Variants in SLC41A1 observed in about 807,000 individuals in gnomAD.
SLC41A1 encodes solute carrier family 41 (magnesium transporter), member 1.
In SLC41A1, 20 loss-of-function variants were observed where a neutral mutation model predicts 47.3. That is an observed-to-expected ratio of 0.42 (90% CI 0.30 to 0.61). SLC41A1 has a LOEUF of 0.61. Ranked by LOEUF, SLC41A1 falls within the 20% of genes least tolerant of loss-of-function variation. The probability of loss-of-function intolerance (pLI) is 0.17; values close to 1 mark genes in which losing one functional copy is unlikely to be tolerated. For synonymous variants in SLC41A1, 282 were observed against 272.7 expected (o/e 1.03, Z -0.34); for missense variants, 504 against 674.1 (o/e 0.75, Z 2.79).
Position 205,812,817 on chromosome 1 carries a change from G to T in SLC41A1, c.-656C>A, listed in dbSNP as rs1656190143. On this transcript the variant is annotated 5_prime_UTR_variant, in exon 1 of 11. Coordinates refer to ENST00000367137, the MANE Select transcript of SLC41A1 (RefSeq NM_173854.6). ...ACCCCACAGGACTGACCTGCCCCTC[G>T]CCTGGGAGGAAGGGGGGCGCCTGGC... 1.0e-6 allele frequency: 1 copy of T among 980,230 alleles called. No individual in the cohort carries two copies. The highest frequency in any genetic ancestry group is 1.8e-5 in the African/African-American group (1 of 55,786). 60.7% of individuals were successfully genotyped at this position (980,230 alleles called of 1,614,324 possible). A position where few individuals can be genotyped will look rare whatever the true frequency, so the allele number is the denominator to read the frequency against.
chr1:205,795,444 G>A lies in SLC41A1; in HGVS notation c.1107C>T (p.Ser369=), dbSNP rs768280672. The A allele has an allele frequency of 1.2e-5, 20 of 1,614,084 alleles. No individual in the cohort carries two copies. The highest frequency in any genetic ancestry group is 2.7e-5 in the African/African-American group (2 of 74,922). The change falls in exon 9 of 11, where the codon AGC becomes AGT. Residue 369 remains serine, a synonymous_variant. Transcript: ENST00000367137. ...VGGNLVAVQA[S]RISTFLHMNG... ...TCATGTGCAGGAAGGTGGAGATGCG[G>A]CTGGCCTGCACTGCCACCAGATTGC...
chr1:205,796,774 C>T (rs1185575218), intron 8 of SLC41A1, 150 bp downstream of exon 8: 3 of 766,196 alleles, frequency 3.9e-6, no homozygotes, highest in Admixed American at 4.1e-5. Flanking sequence ...CCTCTGTAAG[C>T]AGTCCCTTCA....
chr1:205,806,565 G>T (rs1274816289), intron 2 of SLC41A1, among the ~76,000 whole-genome samples: 3 of 152,216 alleles, frequency 2.0e-5, no homozygotes, highest in Admixed American at 1.3e-4. Flanking sequence ...GGACCAAACT[G>T]GGCAGATGGG....
At chr1:205,793,685 T>C (rs759390244) in intron 10 of SLC41A1, among the ~76,000 whole-genome samples, 4 of 152,260 alleles carry the variant, frequency 2.6e-5, no homozygotes, top group Non-Finnish European at 4.4e-5. Context: ...GGTGTTGTTC[T>C]CTTTATGTAT....
In SLC41A1 at chr1:205,798,695, A is replaced by G; in HGVS notation, c.818T>C (p.Ile273Thr). 6.2e-7 allele frequency: 1 copy of G among 1,614,178 alleles called. No individual in the cohort carries two copies. The highest frequency in any genetic ancestry group is 1.3e-5 in the African/African-American group (1 of 75,040). The change falls in exon 6 of 11, where the codon ATC becomes ACC. Residue 273 changes from isoleucine to threonine, a missense_variant. Coordinates refer to ENST00000367137, the MANE Select transcript of SLC41A1 (RefSeq NM_173854.6). ...CAGTTCCAGGTAGAGTCCCCAGCTG[A>G]TGCCTGAGAGCAGCGCCAAGGTGAT... ...DLITLALLSG[I>T]SWGLYLELNH...
chr1:205,812,748 C>A (rs1656188071), intron 1 of SLC41A1, 60 bp downstream of exon 1: 4 of 985,988 alleles, frequency 4.1e-6, no homozygotes, highest in South Asian at 4.7e-5. Context: ...AAATGCGCTG[C>A]GCGCCAGGAC....
At position 205,799,014 on chromosome 1, in the gene SLC41A1, C is replaced by T. The variant is rs753912617; in HGVS notation, c.640G>A (p.Ala214Thr). 2.9e-5 allele frequency: 46 copies of T among 1,613,882 alleles called. No individual in the cohort carries two copies. The highest frequency in any genetic ancestry group is 1.3e-4 in the East Asian group (6 of 44,894). ...ACGCTGCTAGCACAGAGCAGGAAGGCGTGCGGAATACTGAAGTGGCCATCA... is the reference window on the plus strand; with the variant it reads ...ACGCTGCTAGCACAGAGCAGGAAGGTGTGCGGAATACTGAAGTGGCCATCA... ...IPDGHFSIPH[A>T]FLLCASSVAT... Residue 214 changes from alanine to threonine, a missense_variant, in exon 5 of 11, where the codon GCC becomes ACC. Physicochemically the swap from Ala to Thr is moderately conservative, Grantham distance 58. This residue lies in a region of SLC41A1 where 421 missense variants were observed against 601.6 expected (regional missense o/e 0.70). Coordinates refer to ENST00000367137, the MANE Select transcript of SLC41A1 (RefSeq NM_173854.6).
At position 205,798,776 on chromosome 1, in the gene SLC41A1, A is replaced by G. The variant is rs1452050165; in HGVS notation, c.737T>C (p.Ile246Thr). Reference protein sequence around the residue: ...MIGVIIGSRKIGINPDNVATP... With the variant: ...MIGVIIGSRKTGINPDNVATP... Reference sequence around the variant, plus strand: ...GGCCACGTTGTCTGGGTTGATCCCAATCTTGCGAGAGCCAATGATGACTCC... The same window carrying G: ...GGCCACGTTGTCTGGGTTGATCCCAGTCTTGCGAGAGCCAATGATGACTCC... The change falls in exon 6 of 11, where the codon ATT (isoleucine) becomes ACT (threonine). Residue 246 changes from isoleucine (I) to threonine (T), a missense_variant. Ile to Thr is a moderately conservative substitution (Grantham distance 89, BLOSUM62 -1). Around this residue, in one of 2 missense-constraint regions of SLC41A1, gnomAD observed 421 missense variants for 601.6 expected, o/e 0.70. Coordinates refer to ENST00000367137, the MANE Select transcript of SLC41A1 (RefSeq NM_173854.6). The G allele has an allele frequency of 2.5e-6, 4 of 1,613,992 alleles. 1 individual carries two copies. In the South Asian group the frequency reaches 3.3e-5, roughly 13 times the overall value.
chr1:205,800,814 G>T, intron 3 of SLC41A1, 139 bp downstream of exon 3: 3 of 787,230 alleles, frequency 3.8e-6, no homozygotes, highest in Non-Finnish European at 6.4e-6. Context: ...CACCTGCCCA[G>T]CCAGGCCCTC....
rs1160433699 is a variant in SLC41A1 at position 205,794,931 on chromosome 1, C to T, written c.1295G>A (p.Gly432Asp). 1 of 1,614,064 alleles carries T rather than the reference C, an allele frequency of 6.2e-7. No individual in the cohort carries two copies. Among genetic ancestry groups the T allele is most frequent in the Non-Finnish European group, 8.5e-7 (1 of 1,179,992 alleles). The change falls in exon 10 of 11, where the codon GGC (glycine) becomes GAC (aspartate). Residue 432 changes from glycine (G) to aspartate (D), a missense_variant. Physicochemically the swap from Gly to Asp is moderately conservative, Grantham distance 94 (BLOSUM62 -1). Coordinates refer to ENST00000367137, the MANE Select transcript of SLC41A1 (RefSeq NM_173854.6). ...GATGAGTGTGAGGGTGGTGTGCCCG[C>T]CCTGCATACAGCTGATGGTGTAGAG... ...VFLYTISCMQ[G>D]GHTTLTLIFI...
At chr1:205,800,612 C>T (rs1163423021) in intron 3 of SLC41A1, among the ~76,000 whole-genome samples, 2 of 152,122 alleles carry the variant, frequency 1.3e-5, no homozygotes, top group Non-Finnish European at 2.9e-5. Context: ...AGGAGGCCCC[C>T]ATCTGTGCGG....
In SLC41A1 at chr1:205,790,063, G is replaced by GA. The variant is rs1655583437; in HGVS notation, c.*1469dup. 1 of 152,342 alleles carries GA rather than the reference G, an allele frequency of 6.6e-6. No homozygotes were observed. Among genetic ancestry groups the GA allele is most frequent in the South Asian group, 2.1e-4 (1 of 4,830 alleles). 9.4% of individuals were successfully genotyped at this position (152,342 alleles called of 1,614,324 possible). On this transcript the variant is annotated 3_prime_UTR_variant, in exon 11 of 11. Transcript: ENST00000367137. ...TTGGTAAGGAGAGGTGGAGGGAAGG[G>GA]AATGTGAGGAAGGGTCGTTTAGGGA...
intron 3 of SLC41A1, 29 bp from the exon 4 acceptor site, chr1:205,799,859 C>A (rs763053788): frequency 1.1e-5 from 17 of 1,610,458 alleles, no homozygotes; most frequent in Non-Finnish European, 1.4e-5. Context: ...GGGGCTGGAG[C>A]TTCAGGCTGG....
rs1295948165 is a variant in SLC41A1, at chr1:205,790,884, G to C, written c.*649C>G. The C allele has an allele frequency of 6.4e-6, 1 of 155,980 alleles. No homozygotes were observed. Among genetic ancestry groups the C allele is most frequent in the Non-Finnish European group, 1.4e-5 (1 of 70,380 alleles). The allele number at this position is 155,980 out of a possible 1,614,324, so 9.7% of individuals were successfully genotyped here. A position where few individuals can be genotyped will look rare whatever the true frequency, so the allele number is the denominator to read the frequency against. ...ATCAGAGGGAGGGGTTGTTGATGTTGACCAGGCCATTGAACAAGAGGCATG... is the reference window on the plus strand; with the variant it reads ...ATCAGAGGGAGGGGTTGTTGATGTTCACCAGGCCATTGAACAAGAGGCATG... On this transcript the variant is annotated 3_prime_UTR_variant, in exon 11 of 11. Transcript: ENST00000367137.
intron 2 of SLC41A1, among the ~76,000 whole-genome samples, chr1:205,803,540 C>G (rs1226560219): frequency 6.6e-6 from 1 of 151,824 alleles, no homozygotes; most frequent in African/African-American, 2.4e-5. Flanking sequence ...CATGGATGAA[C>G]CTTGAGGACA....
At position 205,796,960 on chromosome 1, in the gene SLC41A1, A is replaced by T; in HGVS notation, c.1036T>A (p.Phe346Ile). 6.2e-7 allele frequency: 1 copy of T among 1,613,458 alleles called. No homozygotes were observed. Among genetic ancestry groups the T allele is most frequent in the Non-Finnish European group, 8.5e-7 (1 of 1,179,798 alleles). Reference sequence around the variant, plus strand: ...GGCGTGAAGACAGCCATCCCAGCAAAGTTGGGGTCTGAGACAGTCTTGTCC... The same window carrying T: ...GGCGTGAAGACAGCCATCCCAGCAATGTTGGGGTCTGAGACAGTCTTGTCC... ...ILDKTVSDPN[F>I]AGMAVFTPVI... The change falls in exon 8 of 11, where the codon TTT becomes ATT. Residue 346 changes from phenylalanine to isoleucine, a missense_variant. This residue lies in a region of SLC41A1 where 421 missense variants were observed against 601.6 expected (regional missense o/e 0.70). Transcript: ENST00000367137.
Position 205,810,200 on chromosome 1 carries a change from G to T in SLC41A1, c.242C>A (p.Thr81Lys), listed in dbSNP as rs777167037. The change falls in exon 2 of 11, where the codon ACA becomes AAA. Residue 81 changes from threonine to lysine, a missense_variant. Physicochemically the swap from Thr to Lys is moderately conservative, Grantham distance 78. Transcript: ENST00000367137. This position sits in a 1 kb window ranked among gnomAD's most constrained non-coding sequence, Gnocchi z 5.5. ...GGAAGGTGGCGCAGGGCCACGGTCT[G>T]TGCTGACGTCGTCACTTTCGTTGCT... ...SQSNESDDVSTDRGPAPPSPL... is the reference protein window; with the variant it reads ...SQSNESDDVSKDRGPAPPSPL... 2 of 1,614,254 alleles carry T rather than the reference G, an allele frequency of 1.2e-6. No individual in the cohort carries two copies. The highest frequency in any genetic ancestry group is 1.7e-6 in the Non-Finnish European group (2 of 1,180,038).
At position 205,791,471 on chromosome 1, in the gene SLC41A1, G is replaced by A; in HGVS notation, c.*62C>T. 6.2e-7 allele frequency: 1 copy of A among 1,602,734 alleles called. No homozygotes were observed. Among genetic ancestry groups the A allele is most frequent in the Non-Finnish European group, 8.5e-7 (1 of 1,171,006 alleles). On this transcript the variant is annotated 3_prime_UTR_variant, in exon 11 of 11. Transcript: ENST00000367137. This position sits in a 1 kb window ranked among gnomAD's most constrained non-coding sequence, Gnocchi z 4.0. ...AGTGTGGGGTGGAGGAGGGACAGGG[G>A]AACAAAAGAAAAATTTCAAATAGAA...
intron 2 of SLC41A1, among the ~76,000 whole-genome samples, chr1:205,808,723 A>G (rs1019970011): frequency 1.4e-4 from 21 of 152,212 alleles, no homozygotes; most frequent in African/African-American, 4.8e-4. Flanking sequence ...ACCTCCATGT[A>G]GGAACAACCT....
Sources: gnomAD v4.1 joint callset for allele counts (sites outside exome capture counted in the v4.1 genomes callset) on GRCh38, gnomAD v4.1.1 for gene constraint, gnomAD v4.1.1 regional missense constraint, Gnocchi (gnomAD v3.1) non-coding constraint, MANE v1.5 for transcripts, NCBI Gene and HGNC (gene_info 2026-07-23, HGNC 2026-07-21) for gene names.